MRC1: variants seen among roughly 807,000 people sequenced by gnomAD.
MRC1 encodes mannose receptor C-type 1.
Under a neutral mutation model 102.9 loss-of-function variants are expected in MRC1, and 62 were observed. That is an observed-to-expected ratio of 0.60 (90% confidence interval 0.49 to 0.74). The LOEUF is 0.74. Ranked by LOEUF, MRC1 falls within the 30% of genes least tolerant of loss-of-function variation. MRC1 has a pLI of 0.00. For missense variants in MRC1, 1,237 were observed against 862.8 expected (o/e 1.43, Z -5.43); for synonymous variants, 457 against 298.4 (o/e 1.53, Z -5.48).
intron 21 of MRC1, among the ~76,000 whole-genome samples, chr10:17,885,032 C>G (rs1229270116): frequency 6.6e-6 from 1 of 152,194 alleles, no homozygotes; most frequent in Non-Finnish European, 1.5e-5. Flanking sequence ...GCACAAGTGT[C>G]TTCAGTGGCC....
intron 8 of MRC1, 52 bp from the exon 9 acceptor site, chr10:17,856,189 AG>A (rs1397854657): frequency 8.1e-6 from 6 of 744,598 alleles, no homozygotes; most frequent in Admixed American, 4.6e-5. Flanking sequence ...AAAAAAAAAA[AG>A]GTCCCCAAAC....
chr10:17,827,025 CA>C (rs1838486577), intron 2 of MRC1, among the ~76,000 whole-genome samples: 1 of 151,830 alleles, frequency 6.6e-6, no homozygotes, highest in Admixed American at 6.6e-5. Flanking sequence ...CTAGAGATTC[CA>C]AAGCTCCATG....
At chr10:17,810,120 T>C (rs1838200634) in intron 1 of MRC1, among the ~76,000 whole-genome samples, 1 of 152,194 alleles carries the variant, frequency 6.6e-6, no homozygotes, top group African/African-American at 2.4e-5. Flanking sequence ...CATAAGCAGA[T>C]CGATTCCTGT....
intron 12 of MRC1, among the ~76,000 whole-genome samples, chr10:17,867,512 A>G (rs1785893906): frequency 6.6e-6 from 1 of 151,580 alleles, no homozygotes; most frequent in African/African-American, 2.4e-5. Flanking sequence ...AGCCTCAAAC[A>G]TCTGGGCTCA....
In MRC1 at chr10:17,852,960, T is replaced by C. The variant is rs906836839; in HGVS notation, c.1250-7T>C. 21 of 780,836 alleles carry C rather than the reference T, an allele frequency of 2.7e-5. No homozygotes were observed. In the Middle Eastern group the frequency reaches 6.8e-4, roughly 25 times the overall value. 48.4% of individuals were successfully genotyped at this position (780,836 alleles called of 1,614,324 possible). A position where few individuals can be genotyped will look rare whatever the true frequency, so the allele number is the denominator to read the frequency against. On this transcript the variant is annotated splice_polypyrimidine_tract_variant and splice_region_variant and intron_variant, in intron 7 of 29. Coordinates refer to ENST00000569591, the MANE Select transcript of MRC1 (RefSeq NM_002438.4). Reference sequence around the variant, plus strand: ...GTATATACCACTGTGTGTTTCTTCCTGTTTAGAGCCAAATGACGAATTGTG... The same window carrying C: ...GTATATACCACTGTGTGTTTCTTCCCGTTTAGAGCCAAATGACGAATTGTG...
chr10:17,842,518 A>G (rs1232606528), intron 5 of MRC1, among the ~76,000 whole-genome samples: 1 of 152,162 alleles, frequency 6.6e-6, no homozygotes, highest in Admixed American at 6.6e-5. Flanking sequence ...AAATTTCTGG[A>G]ATATGGGAAG....
At chr10:17,809,713 T>G (rs1344192898) in intron 1 of MRC1, among the ~76,000 whole-genome samples, 187 bp downstream of exon 1, 1 of 151,984 alleles carries the variant, frequency 6.6e-6, no homozygotes, top group Admixed American at 6.5e-5. Flanking sequence ...AGGCCTGGAG[T>G]TGGAGGAGGG....
rs1833954160 is a variant in MRC1 at position 17,910,441 on chromosome 10, A to G, written c.4347A>G (p.Glu1449=). The G allele has an allele frequency of 6.4e-6, 5 of 780,854 alleles. No homozygotes were observed. The highest frequency in any genetic ancestry group is 3.4e-5 in the Admixed American group (2 of 59,034). The allele number at this position is 780,854 out of a possible 1,614,324, so 48.4% of individuals were successfully genotyped here. A position where few individuals can be genotyped will look rare whatever the true frequency, so the allele number is the denominator to read the frequency against. ...TGAAAGATCTCGTGGGCAATATTGA[A>G]CAGAATGAACACTCGGTCATCTAGT... ...SDMKDLVGNI[E]QNEHSVI Residue 1449 remains glutamate, a synonymous_variant, in exon 30 of 30, where the codon GAA becomes GAG. Coordinates refer to ENST00000569591, the MANE Select transcript of MRC1 (RefSeq NM_002438.4).
chr10:17,813,173 T>A (rs2130570196), intron 1 of MRC1, among the ~76,000 whole-genome samples: 1 of 152,292 alleles, frequency 6.6e-6, no homozygotes, highest in African/African-American at 2.4e-5. Context: ...GATCCAGGAC[T>A]TTGCTCAACG....
chr10:17,880,521 C>G lies in MRC1; in HGVS notation c.2720-4C>G. ...TCTAATTTAACTATTTCTCTCTTTG[C>G]CAGGGTTTTGGAATGACATTAACTG... On this transcript the variant is annotated splice_polypyrimidine_tract_variant and splice_region_variant and intron_variant, in intron 19 of 29. Transcript: ENST00000569591. 1.3e-6 allele frequency: 1 copy of G among 780,728 alleles called. No individual in the cohort carries two copies. The highest frequency in any genetic ancestry group is 1.3e-5 in the South Asian group (1 of 74,598). The allele number at this position is 780,728 out of a possible 1,614,324, so 48.4% of individuals were successfully genotyped here.
At chr10:17,848,495 A>T (rs886299411) in intron 6 of MRC1, among the ~76,000 whole-genome samples, 8,203 of 152,268 alleles carry the variant, frequency 0.054, 689 homozygotes, top group East Asian at 0.18. Flanking sequence ...TGCAGCGTAT[A>T]ATCAAGATTA....
At chr10:17,896,398 G>T (rs1272862162) in intron 23 of MRC1, among the ~76,000 whole-genome samples, 1 of 152,098 alleles carries the variant, frequency 6.6e-6, no homozygotes, top group Non-Finnish European at 1.5e-5. Flanking sequence ...CAGAATCTTA[G>T]GTCAGCAGTA....
chr10:17,887,884 C>CTCCCGGG (rs1833622541), intron 22 of MRC1, among the ~76,000 whole-genome samples: 1 of 152,196 alleles, frequency 6.6e-6, no homozygotes, highest in Non-Finnish European at 1.5e-5. Flanking sequence ...CTCACTGCAA[C>CTCCCGGG]TTCCACCTCC....
intron 8 of MRC1, among the ~76,000 whole-genome samples, chr10:17,855,773 A>G (rs949082045): frequency 3.3e-5 from 5 of 152,120 alleles, no homozygotes; most frequent in Non-Finnish European, 5.9e-5. Flanking sequence ...TTTACATATG[A>G]ACATGTCAAT....
At position 17,856,335 on chromosome 10, in the gene MRC1, GA is replaced by G. The variant is rs2130652989; in HGVS notation, c.1506del (p.Gly503AlafsTer15). On this transcript the variant is annotated frameshift_variant, in exon 9 of 30. Coordinates refer to ENST00000569591, the MANE Select transcript of MRC1 (RefSeq NM_002438.4). LOFTEE classifies it high-confidence loss of function. ...CCAAGGTCCAGAAATAGTGGAAGTC[GA>G]AAAAGGCTGCAGGAAAGTGAGTGCA... ...RSQGPEIVEV[E>X]KGCRKGWKKH... 2 of 855,102 alleles carry G rather than the reference GA, an allele frequency of 2.3e-6. No homozygotes were observed. The highest frequency in any genetic ancestry group is 3.5e-5 in the Admixed American group (2 of 56,536). The allele number at this position is 855,102 out of a possible 1,614,324, so 53.0% of individuals were successfully genotyped here.
chr10:17,810,787 G>T (rs1838208922), intron 1 of MRC1, among the ~76,000 whole-genome samples: 1 of 152,114 alleles, frequency 6.6e-6, no homozygotes, highest in East Asian at 1.9e-4. Context: ...AAGGATAGAT[G>T]AAATTAATTT....
At chr10:17,837,222 A>G (rs1477530352) in intron 4 of MRC1, among the ~76,000 whole-genome samples, 1 of 152,214 alleles carries the variant, frequency 6.6e-6, no homozygotes, top group Non-Finnish European at 1.5e-5. Context: ...CTTGAATCTT[A>G]TCCAAGCCTC....
At chr10:17,871,032 C>A (rs1833348287) in intron 14 of MRC1, 97 bp downstream of exon 14, 1 of 783,328 alleles carries the variant, frequency 1.3e-6, no homozygotes, top group African/African-American at 1.7e-5. Context: ...TAAGACAGTT[C>A]ATTATGATAG....
In MRC1 at chr10:17,870,434, G is replaced by T. The variant is rs1295738840; in HGVS notation, c.2111+61G>T. ...ATCTAGTTGGTGCTTATGAAGTTGA[G>T]AAAATTTGTCTGTTTCTGAAATTGT... On this transcript the variant is annotated intron_variant, in intron 13 of 29. Coordinates refer to ENST00000569591, the MANE Select transcript of MRC1 (RefSeq NM_002438.4). The T allele has an allele frequency of 3.9e-6, 3 of 779,204 alleles. No homozygotes were observed. In the Admixed American group the frequency reaches 5.1e-5, roughly 13 times the overall value. 48.3% of individuals were successfully genotyped at this position (779,204 alleles called of 1,614,324 possible).
Sources: gnomAD v4.1 joint callset for allele counts (sites outside exome capture counted in the v4.1 genomes callset) on GRCh38, gnomAD v4.1.1 for gene constraint, MANE v1.5 for transcripts, NCBI Gene and HGNC (gene_info 2026-07-23, HGNC 2026-07-21) for gene names.